The following CNTLN variants were observed in gnomAD, a reference collection of about 807,000 sequenced individuals.
CNTLN encodes centlein.
In CNTLN, 212 loss-of-function variants were observed where a neutral mutation model predicts 180.0. The ratio of observed to expected loss-of-function variants is 1.18; its 90% CI spans 1.05 to 1.32. CNTLN has a LOEUF of 1.32. Among genes scored for constraint, CNTLN ranks in the 40% most tolerant of loss-of-function variants. CNTLN has a pLI of 0.00. For synonymous variants in CNTLN, 722 were observed against 563.1 expected, an observed-to-expected ratio of 1.28 and a Z score of -3.99; for missense variants, 2,095 against 1,610.9, an observed-to-expected ratio of 1.30 and a Z score of -5.14.
At chr9:17,297,831 C>G (rs752192118) in intron 6 of CNTLN, among the ~76,000 whole-genome samples, 3 of 152,086 alleles carry the variant, frequency 2.0e-5, no homozygotes, top group African/African-American at 7.2e-5. Flanking sequence ...TTGACGTACC[C>G]TTTGTTCAAA....
intron 2 of CNTLN, among the ~76,000 whole-genome samples, chr9:17,224,481 G>C (rs1824337493): frequency 6.6e-6 from 1 of 151,908 alleles, no homozygotes; most frequent in Non-Finnish European, 1.5e-5. Flanking sequence ...ATTACTTCTG[G>C]AATGTTGTAG....
intron 10 of CNTLN, among the ~76,000 whole-genome samples, chr9:17,339,201 A>G (rs1299117519): frequency 1.3e-5 from 2 of 152,338 alleles, no homozygotes; most frequent in Non-Finnish European, 2.9e-5. Flanking sequence ...CTATCCTAGT[A>G]GAAATATAGT....
rs1823355649 is a variant in CNTLN, at chr9:17,361,147, G to C, written c.1887-5470G>C. On this transcript the variant is annotated intron_variant, in intron 12 of 25. Coordinates refer to ENST00000380647, the MANE Select transcript of CNTLN (RefSeq NM_017738.4). ...ACATATGTATACATGTGCCATGTTG[G>C]TGTGCTGCACCCATTAACTCCTCAT... 1.3e-5 allele frequency among the ~76,000 whole-genome samples: 2 copies of C among 151,970 alleles called. 1 individual carries two copies. Among genetic ancestry groups the C allele is most frequent in the South Asian group, 4.1e-4 (2 of 4,822 alleles).
At chr9:17,493,008 C>G (rs971953058) in intron 25 of CNTLN, among the ~76,000 whole-genome samples, 4 of 152,040 alleles carry the variant, frequency 2.6e-5, no homozygotes, top group African/African-American at 9.7e-5. Flanking sequence ...CCTGATTCCA[C>G]TTATTTGAGA....
chr9:17,366,498 A>T, intron 12 of CNTLN, 119 bp from the exon 13 acceptor site: 1 of 459,984 alleles, frequency 2.2e-6, no homozygotes, highest in Non-Finnish European at 3.9e-6. Context: ...CATTTTATAT[A>T]CATTAAAATA....
At chr9:17,437,602 G>A (rs1469738251) in intron 18 of CNTLN, among the ~76,000 whole-genome samples, 2 of 152,148 alleles carry the variant, frequency 1.3e-5, no homozygotes, top group Non-Finnish European at 2.9e-5. Context: ...ATATATTTTA[G>A]AGTTTGGTTT....
intron 5 of CNTLN, among the ~76,000 whole-genome samples, chr9:17,265,224 T>G (rs1290025855): frequency 6.6e-6 from 1 of 151,372 alleles, no homozygotes; most frequent in Admixed American, 6.6e-5. Flanking sequence ...CATCAATACC[T>G]AATTTATTGA....
At chr9:17,405,975 A>G (rs776991406) in intron 15 of CNTLN, among the ~76,000 whole-genome samples, 2 of 151,580 alleles carry the variant, frequency 1.3e-5, no homozygotes, top group African/African-American at 2.4e-5. Context: ...GGGTTTCTCC[A>G]TGTTGGTCAG....
At chr9:17,477,259 A>G (rs1832402899) in intron 23 of CNTLN, among the ~76,000 whole-genome samples, 1 of 152,164 alleles carries the variant, frequency 6.6e-6, no homozygotes, top group Non-Finnish European at 1.5e-5. Context: ...TTTGATGGAG[A>G]TGTACATTGA....
At chr9:17,163,317 C>G (rs922510724) in intron 2 of CNTLN, among the ~76,000 whole-genome samples, 3 of 152,150 alleles carry the variant, frequency 2.0e-5, no homozygotes, top group African/African-American at 7.2e-5. Flanking sequence ...TATGAATCTA[C>G]TAATGCATTG....
At chr9:17,225,269 G>T (rs1407107824) in intron 2 of CNTLN, among the ~76,000 whole-genome samples, 1 of 151,970 alleles carries the variant, frequency 6.6e-6, no homozygotes, top group Non-Finnish European at 1.5e-5. Flanking sequence ...TTGTGCTTCT[G>T]CATACTGGGT....
At chr9:17,425,860 C>T (rs1291188721) in intron 18 of CNTLN, among the ~76,000 whole-genome samples, 1 of 152,124 alleles carries the variant, frequency 6.6e-6, no homozygotes, top group Non-Finnish European at 1.5e-5. Flanking sequence ...CTTGATTTCT[C>T]CTGATTGCTT....
intron 2 of CNTLN, among the ~76,000 whole-genome samples, chr9:17,149,512 C>CTT (rs55691769): frequency 0.019 from 2,042 of 106,112 alleles, 92 homozygotes; most frequent in African/African-American, 0.057. Context: ...TTCTTTCTTT[C>CTT]TTTTTTTTTT....
chr9:17,320,662 C>T (rs894964613), intron 8 of CNTLN, among the ~76,000 whole-genome samples: 4 of 152,110 alleles, frequency 2.6e-5, no homozygotes, highest in Non-Finnish European at 2.9e-5. Flanking sequence ...GCCTCCACAC[C>T]TGGCTAGTTT....
chr9:17,186,078 C>T (rs1286550599), intron 2 of CNTLN, among the ~76,000 whole-genome samples: 1 of 152,142 alleles, frequency 6.6e-6, no homozygotes, highest in Non-Finnish European at 1.5e-5. Flanking sequence ...AGGTATGAGC[C>T]ACCGTGTCAG....
At chr9:17,432,872 T>C (rs1829499701) in intron 18 of CNTLN, among the ~76,000 whole-genome samples, 1 of 151,850 alleles carries the variant, frequency 6.6e-6, no homozygotes, top group Admixed American at 6.6e-5. Flanking sequence ...ATACAAACAA[T>C]TAGCCGGGCA....
At chr9:17,461,035 A>G (rs1385337510) in intron 19 of CNTLN, among the ~76,000 whole-genome samples, 1 of 151,598 alleles carries the variant, frequency 6.6e-6, no homozygotes, top group East Asian at 1.9e-4. Context: ...ACAAAATTAG[A>G]AAAGCACAGT....
chr9:17,516,937 G>A, the CNTLN span, among the ~76,000 whole-genome samples: 1 of 152,126 alleles, frequency 6.6e-6, no homozygotes, highest in African/African-American at 2.4e-5. Context: ...TTGAGGAAAG[G>A]AATCTTTCTA....
intron 7 of CNTLN, chr9:17,298,998 C>G (rs1051282095): frequency 1.1e-6 from 1 of 904,778 alleles, no homozygotes; most frequent in Admixed American, 6.2e-5. Context: ...AATCCCAGCA[C>G]TTTGGGAGGC....
Sources: allele counts gnomAD v4.1 joint callset (sites outside exome capture counted in the v4.1 genomes callset), GRCh38; gene constraint gnomAD v4.1.1; transcripts MANE v1.5; gene names NCBI Gene and HGNC (gene_info 2026-07-23, HGNC 2026-07-21).